The following NBEAL1 variants were observed in gnomAD, a reference collection of about 807,000 sequenced individuals.
The protein encoded by NBEAL1 is neurobeachin-like protein 1.
In NBEAL1, 273 loss-of-function variants were observed where a neutral mutation model predicts 351.3. The observed-to-expected ratio is 0.78, with a 90% CI of 0.70 to 0.86. The LOEUF is 0.86. NBEAL1 is among the 40% of genes least tolerant of loss of function. NBEAL1 has a pLI of 0.00. For synonymous variants in NBEAL1, 1,050 were observed against 1,086.4 expected (o/e 0.97, Z 0.66); for missense variants, 2,961 against 3,201.3 (o/e 0.92, Z 1.81).
At chr2:203,034,355 C>T (rs1261293027) in intron 2 of NBEAL1, among the ~76,000 whole-genome samples, 1 of 150,650 alleles carries the variant, frequency 6.6e-6, no homozygotes, top group Non-Finnish European at 1.5e-5. Flanking sequence ...GACAGGGTTT[C>T]ACCATGTTGG....
chr2:203,150,559 G>A (rs2063624102), intron 34 of NBEAL1, among the ~76,000 whole-genome samples: 1 of 151,884 alleles, frequency 6.6e-6, no homozygotes, highest in Non-Finnish European at 1.5e-5. Context: ...TTTTAACAAA[G>A]TCCAGTTTAA....
chr2:203,046,818 T>A (rs2061234953), intron 3 of NBEAL1, among the ~76,000 whole-genome samples: 1 of 152,118 alleles, frequency 6.6e-6, no homozygotes, highest in Non-Finnish European at 1.5e-5. Flanking sequence ...CATATGAAAT[T>A]TGGGGGAATA....
intron 7 of NBEAL1, among the ~76,000 whole-genome samples, chr2:203,070,345 C>T (rs2061660340): frequency 7.0e-6 from 1 of 143,330 alleles, no homozygotes. Context: ...GTATTTCTCT[C>T]TCTCTCTCTC....
intron 49 of NBEAL1, 94 bp downstream of exon 49, chr2:203,199,541 AAT>A (rs1491278382): frequency 1.1e-4 from 68 of 644,792 alleles, no homozygotes; most frequent in African/African-American, 5.5e-4. Flanking sequence ...TTCTGAAAGA[AAT>A]ATTTTTTTTT....
At chr2:203,035,439 G>A (rs962122100) in intron 2 of NBEAL1, among the ~76,000 whole-genome samples, 2 of 149,408 alleles carry the variant, frequency 1.3e-5, no homozygotes, top group African/African-American at 2.4e-5. Context: ...CAGATGGGAC[G>A]ATTGGATGAA....
chr2:203,122,419 C>T (rs567902533), intron 19 of NBEAL1, 76 bp downstream of exon 19: 3 of 893,878 alleles, frequency 3.4e-6, no homozygotes, highest in South Asian at 3.1e-5. Context: ...GTTTTTAAAG[C>T]ACTGCCAGAT....
In NBEAL1 at chr2:203,122,261, A is replaced by G; in HGVS notation, c.2600A>G (p.Lys867Arg). 2 of 1,528,710 alleles carry G rather than the reference A, an allele frequency of 1.3e-6. No homozygotes were observed. The highest frequency in any genetic ancestry group is 8.8e-7 in the Non-Finnish European group (1 of 1,139,402). The allele number at this position is 1,528,710 out of a possible 1,614,324, so 94.7% of individuals were successfully genotyped here. A position where few individuals can be genotyped will look rare whatever the true frequency, so the allele number is the denominator to read the frequency against. ...ILLYYTAKAC[K>R]NSICLDLSTN... ...TTTTTCTTTTATTCTTAGGCCTGCA[A>G]AAATTCAATCTGTCTTGATTTATCT... The change falls in exon 19 of 56, where the codon AAA (lysine) becomes AGA (arginine). Residue 867 changes from lysine (K) to arginine (R), a missense_variant. By Grantham distance (26) the Lys-to-Arg change is conservative. Coordinates refer to ENST00000683969, the MANE Select transcript of NBEAL1 (RefSeq NM_001378026.1).
rs114168754 is a variant in NBEAL1, at chr2:203,082,161, G to T, written c.685-1058G>T. Among the ~76,000 whole-genome samples the T allele has an allele frequency of 6.0e-3, 916 of 152,204 alleles. 9 individuals carry two copies. Among genetic ancestry groups the T allele is most frequent in the African/African-American group, 0.021 (857 of 41,530 alleles). ...TCTTTTGATCTCATTTGCCAAACTT[G>T]GTCATATGACTATAGAGAAGGAAAA... On this transcript the variant is annotated intron_variant, in intron 8 of 55. Transcript: ENST00000683969.
chr2:203,199,304 C>T, intron 48 of NBEAL1, 34 bp from the exon 49 acceptor site: 1 of 1,223,590 alleles, frequency 8.2e-7, no homozygotes, highest in South Asian at 1.3e-5. Flanking sequence ...CTTAATATTT[C>T]ATTTAATTTG....
chr2:203,101,925 T>C (rs1277349360), intron 12 of NBEAL1, among the ~76,000 whole-genome samples: 2 of 152,226 alleles, frequency 1.3e-5, no homozygotes, highest in Non-Finnish European at 2.9e-5. Flanking sequence ...ACAGTATTGA[T>C]TCTTCCTATT....
rs371339244 is a variant in NBEAL1, at chr2:203,080,328, C to T, written c.684+2491C>T. Reference sequence around the variant, plus strand: ...TCTGGAGGCTGAGGCAGGAGAATGGCGTGAACCCGGGAGGCGGAGCTTGCA... The same window carrying T: ...TCTGGAGGCTGAGGCAGGAGAATGGTGTGAACCCGGGAGGCGGAGCTTGCA... On this transcript the variant is annotated intron_variant, in intron 8 of 55. Coordinates refer to ENST00000683969, the MANE Select transcript of NBEAL1 (RefSeq NM_001378026.1). 4.2e-4 allele frequency among the ~76,000 whole-genome samples: 64 copies of T among 152,156 alleles called. 1 individual carries two copies. The South Asian group carries it at 9.6e-3, about 23-fold the overall frequency.
chr2:203,199,957 T>G (rs986187222), intron 49 of NBEAL1, among the ~76,000 whole-genome samples: 2 of 152,246 alleles, frequency 1.3e-5, no homozygotes, highest in Admixed American at 6.5e-5. Context: ...CCTTGTAATT[T>G]TATTCTACTT....
chr2:203,127,776 T>TATACATTATATTTG lies in NBEAL1; in HGVS notation c.3249-5_3249-4insATACATTATATTTG. On this transcript the variant is annotated splice_region_variant and splice_polypyrimidine_tract_variant and intron_variant, in intron 23 of 55. Transcript: ENST00000683969. ...TCAATTCTTATACTTTGTTTTGTCT[T>TATACATTATATTTG]TCAGGAATGGTTGTAAATATAATGA... is the stretch of plus-strand genomic sequence containing the variant. 1 of 1,487,390 alleles carries TATACATTATATTTG rather than the reference T, an allele frequency of 6.7e-7. No individual in the cohort carries two copies. Among genetic ancestry groups the TATACATTATATTTG allele is most frequent in the Non-Finnish European group, 9.1e-7 (1 of 1,096,094 alleles). The allele number at this position is 1,487,390 out of a possible 1,614,324, so 92.1% of individuals were successfully genotyped here. A position where few individuals can be genotyped will look rare whatever the true frequency, so the allele number is the denominator to read the frequency against.
At chr2:203,120,921 A>G (rs576752014) in intron 18 of NBEAL1, among the ~76,000 whole-genome samples, 221 of 152,308 alleles carry the variant, frequency 1.5e-3, no homozygotes, top group African/African-American at 2.6e-3. Flanking sequence ...ATTTTTCTCA[A>G]TTGTTTAAGA....
chr2:203,170,943 C>A (rs1352083055), intron 39 of NBEAL1, among the ~76,000 whole-genome samples: 3 of 152,134 alleles, frequency 2.0e-5, no homozygotes, highest in African/African-American at 7.2e-5. Context: ...CAATTTGTAA[C>A]AAAAATTTCT....
chr2:203,200,994 A>G (rs2065382216), intron 49 of NBEAL1, among the ~76,000 whole-genome samples: 1 of 152,202 alleles, frequency 6.6e-6, no homozygotes, highest in Non-Finnish European at 1.5e-5. Context: ...AGTTGCAATC[A>G]CTTGTCTTTC....
intron 36 of NBEAL1, among the ~76,000 whole-genome samples, chr2:203,164,867 T>TTC (rs1191644447): frequency 6.6e-6 from 1 of 151,222 alleles, no homozygotes; most frequent in East Asian, 1.9e-4. Context: ...TTCTCTTTTT[T>TTC]TTTTTTTTTT....
chr2:203,057,839 G>A (rs796943361), intron 6 of NBEAL1, among the ~76,000 whole-genome samples: 1 of 95,946 alleles, frequency 1.0e-5, no homozygotes. Flanking sequence ...TTTTTTTTTT[G>A]TTTTTTTGTC....
chr2:203,172,673 A>G (rs757319971), intron 40 of NBEAL1, 56 bp from the exon 41 acceptor site: 177 of 1,503,882 alleles, frequency 1.2e-4, no homozygotes, highest in Non-Finnish European at 1.4e-4. Flanking sequence ...ATTAGATATG[A>G]GGATATTAGC....
Sources: gnomAD v4.1 joint callset for allele counts (sites outside exome capture counted in the v4.1 genomes callset) on GRCh38, gnomAD v4.1.1 for gene constraint, MANE v1.5 for transcripts, NCBI Gene and HGNC (gene_info 2026-07-23, HGNC 2026-07-21) for gene names.